Variants in MELK observed in about 807,000 individuals in gnomAD.
MELK encodes maternal embryonic leucine zipper kinase.
In MELK, 81 loss-of-function variants were observed where a neutral mutation model predicts 85.0. That is an observed-to-expected ratio of 0.95 (90% confidence interval 0.80 to 1.15). The LOEUF (loss-of-function observed/expected upper bound fraction) is 1.15. Among genes scored for constraint, MELK ranks in the 50% most tolerant of loss-of-function variants. MELK has a pLI of 0.00. For missense variants in MELK, 754 were observed against 777.5 expected (o/e 0.97, Z 0.36); for synonymous variants, 252 against 265.0 (o/e 0.95, Z 0.48).
At chr9:36,616,387 C>CTTTTTTTTTTTTTTT (rs60212848) in intron 8 of MELK, among the ~76,000 whole-genome samples, 3,090 of 114,018 alleles carry the variant, frequency 0.027, 123 homozygotes, top group Non-Finnish European at 0.033. Flanking sequence ...ATGTCAAACT[C>CTTTTTTTTTTTTTTT]TTTTTTTTTT....
At chr9:36,624,085 T>TC (rs1188198015) in intron 8 of MELK, among the ~76,000 whole-genome samples, 4 of 145,520 alleles carry the variant, frequency 2.7e-5, no homozygotes, top group African/African-American at 1.0e-4. Flanking sequence ...TTATACTTCT[T>TC]TTTTTTTTTT....
intron 10 of MELK, among the ~76,000 whole-genome samples, chr9:36,638,929 G>T (rs1442947900): frequency 6.6e-6 from 1 of 152,216 alleles, no homozygotes; most frequent in African/African-American, 2.4e-5. Flanking sequence ...GTTCTGGAAT[G>T]GAATGGATCT....
intron 13 of MELK, among the ~76,000 whole-genome samples, chr9:36,662,478 A>T (rs1348589261): frequency 1.3e-5 from 2 of 152,042 alleles, no homozygotes; most frequent in African/African-American, 2.4e-5. Context: ...TCCTGACCTC[A>T]GGTGATCCAC....
intron 11 of MELK, 120 bp from the exon 12 acceptor site, chr9:36,651,626 G>T (rs1203251810): frequency 8.2e-7 from 1 of 1,212,992 alleles, no homozygotes; most frequent in Non-Finnish European, 1.2e-6. Context: ...CATATGCTGT[G>T]TAAACCTATT....
intron 3 of MELK, among the ~76,000 whole-genome samples, chr9:36,586,742 G>A (rs1034679692): frequency 3.9e-5 from 6 of 152,032 alleles, no homozygotes; most frequent in Non-Finnish European, 7.3e-5. Context: ...ATTCTAAAGC[G>A]TAATATGACA....
chr9:36,615,690 G>A (rs1826649889), intron 8 of MELK, among the ~76,000 whole-genome samples: 2 of 145,324 alleles, frequency 1.4e-5, no homozygotes, highest in African/African-American at 5.3e-5. Flanking sequence ...TCTCGGCCGG[G>A]CAGAGGCGCT....
chr9:36,609,260 A>G (rs1825858641), intron 8 of MELK, among the ~76,000 whole-genome samples: 1 of 152,198 alleles, frequency 6.6e-6, no homozygotes. Flanking sequence ...GGTAAATATT[A>G]TGGTATGTGA....
intron 6 of MELK, among the ~76,000 whole-genome samples, chr9:36,598,674 C>G (rs1429379237): frequency 4.6e-5 from 7 of 152,106 alleles, no homozygotes; most frequent in African/African-American, 1.7e-4. Flanking sequence ...GAAAATAGAG[C>G]TCTTCTGTAT....
At position 36,643,087 on chromosome 9, in the gene MELK, A is replaced by G; in HGVS notation, c.921+4A>G. ...AATGGAGGATTTAATTTCACTGGTA[A>G]GAAATACAGCATGGGCTGGGCGCAG... On this transcript the variant is annotated splice_donor_region_variant and intron_variant, in intron 11 of 17. Coordinates refer to ENST00000298048, the MANE Select transcript of MELK (RefSeq NM_014791.4). The G allele has an allele frequency of 3.7e-6, 6 of 1,610,692 alleles. No individual in the cohort carries two copies. Among genetic ancestry groups the G allele is most frequent in the Non-Finnish European group, 5.1e-6 (6 of 1,177,638 alleles).
At chr9:36,626,131 T>G (rs1827904242) in intron 8 of MELK, among the ~76,000 whole-genome samples, 1 of 152,106 alleles carries the variant, frequency 6.6e-6, no homozygotes, top group Admixed American at 6.6e-5. Context: ...GGTTATACAC[T>G]AAAAGCTGAT....
At chr9:36,648,770 G>T (rs1830440771) in intron 11 of MELK, among the ~76,000 whole-genome samples, 1 of 152,282 alleles carries the variant, frequency 6.6e-6, no homozygotes, top group Non-Finnish European at 1.5e-5. Context: ...GTTCATCTTA[G>T]AGAGGAGCCT....
intron 16 of MELK, 125 bp from the exon 17 acceptor site, chr9:36,674,709 T>G (rs1741370814): frequency 4.1e-6 from 2 of 491,868 alleles, no homozygotes; most frequent in Non-Finnish European, 7.1e-6. Context: ...CCTTTGATAT[T>G]TTTTAGGAAA....
intron 11 of MELK, among the ~76,000 whole-genome samples, chr9:36,645,044 G>A (rs933709936): frequency 5.3e-5 from 8 of 152,044 alleles, no homozygotes; most frequent in African/African-American, 7.2e-5. Flanking sequence ...CGAGGCGGGC[G>A]GATCATGAGG....
chr9:36,646,357 T>C (rs1405265883), intron 11 of MELK, among the ~76,000 whole-genome samples: 1 of 152,206 alleles, frequency 6.6e-6, no homozygotes, highest in Non-Finnish European at 1.5e-5. Flanking sequence ...AGATTAGTTC[T>C]GTGTGATCCA....
chr9:36,636,361 G>T (rs1345320625), intron 10 of MELK, among the ~76,000 whole-genome samples: 1 of 151,994 alleles, frequency 6.6e-6, no homozygotes, highest in East Asian at 1.9e-4. Flanking sequence ...AATCAGCTGG[G>T]CGTGGTGGTG....
rs1831350690 is a variant in MELK at position 36,657,310 on chromosome 9, G to T, written c.1123G>T (p.Asp375Tyr). Reference sequence around the variant, plus strand: ...TTATGTGGCGGGATTAATAGACTATGATTGGTGTGAAGATGATTTATCAAC... The same window carrying T: ...TTATGTGGCGGGATTAATAGACTATTATTGGTGTGAAGATGATTTATCAAC... ...KNYVAGLIDY[D>Y]WCEDDLSTGA... Residue 375 changes from aspartate to tyrosine, a missense_variant, in exon 13 of 18, where the codon GAT becomes TAT. Coordinates refer to ENST00000298048, the MANE Select transcript of MELK (RefSeq NM_014791.4). The T allele has an allele frequency of 1.9e-6, 3 of 1,613,500 alleles. No homozygotes were observed. In the African/African-American group the frequency reaches 4.0e-5, roughly 22 times the overall value.
At chr9:36,588,382 CTTT>C (rs113873638) in intron 3 of MELK, among the ~76,000 whole-genome samples, 2 of 130,024 alleles carry the variant, frequency 1.5e-5, no homozygotes, top group Non-Finnish European at 1.6e-5. Flanking sequence ...GAGTCCCTCC[CTTT>C]TTTTTTTTTT....
At chr9:36,645,479 G>T (rs1210471060) in intron 11 of MELK, among the ~76,000 whole-genome samples, 1 of 152,092 alleles carries the variant, frequency 6.6e-6, no homozygotes, top group Non-Finnish European at 1.5e-5. Flanking sequence ...CAGTTATTCT[G>T]AAAGTTAAGC....
chr9:36,605,483 A>T (rs947412411), intron 7 of MELK, among the ~76,000 whole-genome samples: 2 of 152,050 alleles, frequency 1.3e-5, no homozygotes, highest in African/African-American at 4.8e-5. Context: ...AAGTGCTGGG[A>T]TTATAGGTGT....
Sources: allele counts gnomAD v4.1 joint callset (sites outside exome capture counted in the v4.1 genomes callset), GRCh38; gene constraint gnomAD v4.1.1; transcripts MANE v1.5; gene names NCBI Gene and HGNC (gene_info 2026-07-23, HGNC 2026-07-21).